ZNF385D: variants seen among roughly 807,000 people sequenced by gnomAD.
ZNF385D encodes the protein zinc finger protein 659.
In ZNF385D, 15 loss-of-function variants were observed where a neutral mutation model predicts 35.8. The ratio of observed to expected loss-of-function variants is 0.42; its 90% CI spans 0.28 to 0.64. The LOEUF (loss-of-function observed/expected upper bound fraction) is 0.64, where lower values mean the gene tolerates loss of function less well. ZNF385D is among the 30% of genes least tolerant of loss of function. ZNF385D has a pLI of 0.23. For missense variants in ZNF385D, 474 were observed against 494.6 expected, an observed-to-expected ratio of 0.96 and a Z score of 0.39; for synonymous variants, 212 against 186.8, an observed-to-expected ratio of 1.13 and a Z score of -1.10.
At chr3:21,696,874 A>G (rs947112844) in intron 1 of ZNF385D, among the ~76,000 whole-genome samples, 5 of 152,224 alleles carry the variant, frequency 3.3e-5, no homozygotes, top group Admixed American at 2.6e-4. Context: ...TCTGGCTGGT[A>G]ATAAGGAACC....
At chr3:21,800,410 T>G (rs770706654) in intron 3 of ZNF385D, among the ~76,000 whole-genome samples, 1 of 152,192 alleles carries the variant, frequency 6.6e-6, no homozygotes, top group Non-Finnish European at 1.5e-5. Context: ...TTAAGTCTTC[T>G]TTAAATTTTA....
At chr3:22,128,969 G>A (rs1413666213) in intron 3 of ZNF385D, among the ~76,000 whole-genome samples, 1 of 152,070 alleles carries the variant, frequency 6.6e-6, no homozygotes, top group Non-Finnish European at 1.5e-5. Flanking sequence ...TACTTGAGAA[G>A]GTTTTCCATG....
intron 3 of ZNF385D, among the ~76,000 whole-genome samples, chr3:22,076,629 G>A (rs139398428): frequency 1.6e-3 from 248 of 151,948 alleles, no homozygotes; most frequent in African/African-American, 5.4e-3. Flanking sequence ...ACAAGGACAC[G>A]TCTGTGGTTC....
At chr3:21,537,236 G>A (rs1025288079) in intron 3 of ZNF385D, among the ~76,000 whole-genome samples, 1 of 148,720 alleles carries the variant, frequency 6.7e-6, no homozygotes, top group Non-Finnish European at 1.5e-5. Context: ...GGGTCCAAGC[G>A]ATTCTCCTGC....
chr3:21,593,435 C>T (rs1379980317), intron 2 of ZNF385D, among the ~76,000 whole-genome samples: 1 of 152,138 alleles, frequency 6.6e-6, no homozygotes. Flanking sequence ...GGAAATGGCT[C>T]TTACTCTATC....
intron 3 of ZNF385D, among the ~76,000 whole-genome samples, chr3:21,960,787 C>T (rs192841089): frequency 1.3e-5 from 2 of 152,100 alleles, no homozygotes; most frequent in African/African-American, 4.8e-5. Context: ...TCATTCACAG[C>T]ATCCTGAAGG....
intron 3 of ZNF385D, chr3:21,562,166 T>C (rs1475248070): frequency 1.3e-5 from 2 of 152,142 alleles, no homozygotes; most frequent in Non-Finnish European, 2.9e-5. Context: ...CATTCTACTT[T>C]GAAACTTCAG....
At chr3:21,897,473 A>G (rs180867485) in intron 3 of ZNF385D, among the ~76,000 whole-genome samples, 6 of 152,190 alleles carry the variant, frequency 3.9e-5, no homozygotes, top group Admixed American at 3.3e-4. Context: ...GGCATCATGT[A>G]TTTATTTAGC....
At chr3:21,754,709 C>G (rs2070261402), upstream of ZNF385D, among the ~76,000 whole-genome samples, 2 of 152,034 alleles carry the variant, frequency 1.3e-5, no homozygotes, top group Non-Finnish European at 2.9e-5. Context: ...CTATCATCAT[C>G]TGACACACTA....
At chr3:21,511,520 C>T (rs534698499) in intron 3 of ZNF385D, 3 of 366,572 alleles carry the variant, frequency 8.2e-6, no homozygotes, top group Non-Finnish European at 1.6e-5. Flanking sequence ...ACCCTGGAGA[C>T]TGAGATTGAA....
intron 3 of ZNF385D, among the ~76,000 whole-genome samples, chr3:22,130,062 T>C (rs1703683290): frequency 6.6e-6 from 1 of 152,156 alleles, no homozygotes; most frequent in South Asian, 2.1e-4. Context: ...GGTCCTTCTC[T>C]TCAGGCCATT....
rs543163831 is a variant in ZNF385D at position 21,713,342 on chromosome 3, A to G, written c.22+37553T>C. Among the ~76,000 whole-genome samples the G allele has an allele frequency of 9.1e-4, 139 of 152,316 alleles. 1 individual carries two copies. Among genetic ancestry groups the G allele is most frequent in the Non-Finnish European group, 1.7e-3 (115 of 68,030 alleles). On this transcript the variant is annotated intron_variant, in intron 1 of 7. Transcript: ENST00000281523. ...CTTGAGTGCTCTGCAATCTTCTTCA[A>G]TGATGTTTCTTTTCACCATCTTGGT...
At chr3:21,602,833 T>A (rs2125768532) in intron 2 of ZNF385D, among the ~76,000 whole-genome samples, 1 of 152,162 alleles carries the variant, frequency 6.6e-6, no homozygotes, top group South Asian at 2.1e-4. Flanking sequence ...GCGCCCGGCC[T>A]CCCTGCATTT....
intron 4 of ZNF385D, among the ~76,000 whole-genome samples, chr3:21,476,158 A>G (rs902086705): frequency 6.6e-6 from 1 of 152,162 alleles, no homozygotes; most frequent in Non-Finnish European, 1.5e-5. Context: ...GCAAGCTATG[A>G]TAATGCATAT....
At chr3:22,178,182 C>G (rs984689190) in intron 2 of ZNF385D, among the ~76,000 whole-genome samples, 1 of 152,188 alleles carries the variant, frequency 6.6e-6, no homozygotes, top group African/African-American at 2.4e-5. Context: ...AATGGTTGAA[C>G]TAGTTTACAG....
intron 3 of ZNF385D, among the ~76,000 whole-genome samples, chr3:21,838,903 C>T (rs1695493710): frequency 6.6e-6 from 1 of 152,040 alleles, no homozygotes; most frequent in African/African-American, 2.4e-5. Context: ...ACACCACAAA[C>T]TAAACAATAA....
At chr3:22,210,562 C>T (rs948719759) in intron 2 of ZNF385D, among the ~76,000 whole-genome samples, 1 of 151,778 alleles carries the variant, frequency 6.6e-6, no homozygotes, top group Non-Finnish European at 1.5e-5. Context: ...AGTTCTTGAT[C>T]TGAAAGAGTC....
intron 2 of ZNF385D, among the ~76,000 whole-genome samples, chr3:22,182,407 A>C (rs1370485274): frequency 6.6e-6 from 1 of 152,164 alleles, no homozygotes; most frequent in African/African-American, 2.4e-5. Context: ...ACTCTTTCCC[A>C]TATGAAGAAC....
At chr3:22,234,458 G>A (rs1294676473) in intron 2 of ZNF385D, among the ~76,000 whole-genome samples, 1 of 151,952 alleles carries the variant, frequency 6.6e-6, no homozygotes, top group African/African-American at 2.4e-5. Context: ...GTCTAGAAGA[G>A]TCAGCATTCC....
Sources: allele counts gnomAD v4.1 joint callset (sites outside exome capture counted in the v4.1 genomes callset), GRCh38; gene constraint gnomAD v4.1.1; transcripts MANE v1.5; gene names NCBI Gene and HGNC (gene_info 2026-07-23, HGNC 2026-07-21).